Variants in KAZN observed in about 807,000 individuals in gnomAD.
KAZN encodes the protein kazrin, periplakin interacting protein.
KAZN carries 40 observed loss-of-function variants against 87.4 expected under a neutral mutation model. The observed-to-expected ratio is 0.46, with a 90% CI of 0.36 to 0.60. The LOEUF is 0.60. Ranked by LOEUF, KAZN falls within the 20% of genes least tolerant of loss-of-function variation. The pLI is 0.00. For synonymous variants in KAZN, 466 were observed against 458.3 expected (o/e 1.02, Z -0.22); for missense variants, 898 against 1,073.9 (o/e 0.84, Z 2.29).
At chr1:13,921,128 C>T (rs1176073632) in intron 1 of KAZN, among the ~76,000 whole-genome samples, 1 of 152,006 alleles carries the variant, frequency 6.6e-6, no homozygotes. Flanking sequence ...ACTTAGATTG[C>T]CTTGATTGTT....
intron 1 of KAZN, among the ~76,000 whole-genome samples, chr1:14,645,561 GT>G (rs1324818873): frequency 2.0e-5 from 3 of 152,148 alleles, no homozygotes; most frequent in African/African-American, 7.2e-5. Flanking sequence ...TATTGTTGGT[GT>G]ATATGAATGC....
chr1:14,133,762 C>T (rs777579578), intron 1 of KAZN, among the ~76,000 whole-genome samples: 11 of 152,112 alleles, frequency 7.2e-5, no homozygotes, highest in Non-Finnish European at 1.6e-4. Flanking sequence ...GACTCATGAC[C>T]CCAAGGCAGG....
chr1:14,683,195 AC>A (rs1640773442), intron 1 of KAZN, among the ~76,000 whole-genome samples: 1 of 152,098 alleles, frequency 6.6e-6, no homozygotes, highest in Non-Finnish European at 1.5e-5. Context: ...GGTAGGAACG[AC>A]CCTGATAAAA....
chr1:14,911,653 C>T (rs1163202521), intron 1 of KAZN, among the ~76,000 whole-genome samples: 19 of 152,284 alleles, frequency 1.2e-4, no homozygotes, highest in South Asian at 6.2e-4. Flanking sequence ...AGCTCTGGAA[C>T]GGTTCCCTAG....
chr1:13,966,013 G>T (rs920679952), intron 1 of KAZN, among the ~76,000 whole-genome samples: 2 of 152,120 alleles, frequency 1.3e-5, no homozygotes, highest in Non-Finnish European at 2.9e-5. Flanking sequence ...CAAAAAGCAG[G>T]GAGAGGGAGC....
chr1:14,098,678 T>C (rs1644182501), intron 1 of KAZN, among the ~76,000 whole-genome samples: 1 of 152,168 alleles, frequency 6.6e-6, no homozygotes, highest in South Asian at 2.1e-4. Flanking sequence ...TGCTGTAGGG[T>C]TGGGGCCATT....
rs12030294 is a variant in KAZN at position 13,997,635 on chromosome 1, A to T, written c.91+103879A>T. ...AAGGATATCAGAGTTTGATGACCAC[A>T]TTATTGAAATAAGGCATGCAGACAA... On this transcript the variant is annotated intron_variant, in intron 1 of 16. Coordinates refer to the KAZN transcript ENST00000636203. 2.0e-5 allele frequency among the ~76,000 whole-genome samples: 3 copies of T among 151,716 alleles called. No individual in the cohort carries two copies. The East Asian group carries it at 5.8e-4, about 30-fold the overall frequency.
chr1:14,357,187 G>C (rs984705417), intron 2 of KAZN, among the ~76,000 whole-genome samples: 1 of 151,954 alleles, frequency 6.6e-6, no homozygotes, highest in Non-Finnish European at 1.5e-5. Context: ...TGTAGCAACT[G>C]TGAATAGGAG....
At chr1:14,864,841 A>G (rs913064085) in intron 1 of KAZN, among the ~76,000 whole-genome samples, 11 of 152,062 alleles carry the variant, frequency 7.2e-5, no homozygotes, top group African/African-American at 2.4e-4. Context: ...TGGTCTTCTC[A>G]TGTATGAAAT....
chr1:15,068,156 A>T (rs1049232925), intron 8 of KAZN: 80 of 871,020 alleles, frequency 9.2e-5, no homozygotes, highest in Non-Finnish European at 1.0e-4. Context: ...AATATGATCG[A>T]ATTCTATGTT....
At chr1:14,813,685 G>C (rs556730669) in intron 1 of KAZN, among the ~76,000 whole-genome samples, 2 of 152,332 alleles carry the variant, frequency 1.3e-5, no homozygotes, top group South Asian at 4.1e-4. Context: ...ACACTCTTTT[G>C]TGACCATGGG....
chr1:14,847,512 T>A (rs1424362198), intron 1 of KAZN, among the ~76,000 whole-genome samples: 1 of 152,240 alleles, frequency 6.6e-6, no homozygotes, highest in Non-Finnish European at 1.5e-5. Context: ...AATCCTTGCC[T>A]TGGGTCCGCA....
chr1:14,916,769 T>C (rs1038998921), intron 1 of KAZN, among the ~76,000 whole-genome samples: 1 of 151,916 alleles, frequency 6.6e-6, no homozygotes, highest in Non-Finnish European at 1.5e-5. Context: ...AAAAATTAGC[T>C]GGGCATGGTG....
intron 2 of KAZN, among the ~76,000 whole-genome samples, chr1:14,553,505 G>A (rs1673672997): frequency 6.6e-6 from 1 of 152,184 alleles, no homozygotes; most frequent in Non-Finnish European, 1.5e-5. Context: ...TATCACCTTG[G>A]CCTTAGAACT....
intron 1 of KAZN, among the ~76,000 whole-genome samples, chr1:14,855,246 A>G (rs6671967): frequency 0.11 from 17,304 of 152,144 alleles, 1,097 homozygotes; most frequent in Admixed American, 0.15. Flanking sequence ...CTGTCTCCCT[A>G]AGACACTGAA....
chr1:13,937,192 A>T (rs976954387), intron 1 of KAZN, among the ~76,000 whole-genome samples: 1 of 152,018 alleles, frequency 6.6e-6, no homozygotes, highest in Non-Finnish European at 1.5e-5. Flanking sequence ...AATTACAGGC[A>T]CATGCCACCA....
chr1:14,557,459 T>G (rs1673953942), intron 2 of KAZN, among the ~76,000 whole-genome samples: 1 of 152,166 alleles, frequency 6.6e-6, no homozygotes, highest in Non-Finnish European at 1.5e-5. Context: ...TCAGAGAAGT[T>G]GGCATAGGTA....
chr1:14,165,709 G>A (rs1004742245), intron 1 of KAZN, among the ~76,000 whole-genome samples: 3 of 152,180 alleles, frequency 2.0e-5, no homozygotes, highest in African/African-American at 7.2e-5. Flanking sequence ...AGTTCTTCTT[G>A]TCCTCCTTCT....
intron 2 of KAZN, among the ~76,000 whole-genome samples, chr1:14,490,767 G>T (rs905672998): frequency 4.6e-5 from 7 of 152,150 alleles, no homozygotes; most frequent in African/African-American, 1.2e-4. Context: ...CATTCTAAAA[G>T]ATTTTTTAAA....
Sources: gnomAD v4.1 joint callset for allele counts (sites outside exome capture counted in the v4.1 genomes callset) on GRCh38, gnomAD v4.1.1 for gene constraint, MANE v1.5 for transcripts, NCBI Gene and HGNC (gene_info 2026-07-23, HGNC 2026-07-21) for gene names.